The following FKBP5 variants were observed in gnomAD, a reference collection of about 807,000 sequenced individuals.
FKBP5 encodes peptidyl-prolyl cis-trans isomerase FKBP5.
In FKBP5, 23 loss-of-function variants were observed where a neutral mutation model predicts 50.5. The observed-to-expected ratio is 0.46, with a 90% CI of 0.33 to 0.65. FKBP5 has a LOEUF of 0.65. Among genes scored for constraint, FKBP5 ranks in the 30% least tolerant of loss-of-function variants. The pLI is 0.02. For missense variants in FKBP5, 411 were observed against 553.1 expected (o/e 0.74, Z 2.58); for synonymous variants, 176 against 190.6 (o/e 0.92, Z 0.63).
chr6:35,615,586 C>T (rs1763628160), intron 5 of FKBP5, among the ~76,000 whole-genome samples: 1 of 152,018 alleles, frequency 6.6e-6, no homozygotes, highest in African/African-American at 2.4e-5. Context: ...AATAAATATA[C>T]ACAGATCCAT....
chr6:35,655,056 TCA>T (rs1326364479), intron 1 of FKBP5, among the ~76,000 whole-genome samples: 1 of 151,964 alleles, frequency 6.6e-6, no homozygotes, highest in Non-Finnish European at 1.5e-5. Flanking sequence ...GCTCGGTGGC[TCA>T]CAACTGTAAT....
intron 8 of FKBP5, 183 bp downstream of exon 8, chr6:35,586,851 T>C: frequency 6.9e-7 from 1 of 1,447,310 alleles, no homozygotes; most frequent in Non-Finnish European, 9.1e-7. Flanking sequence ...TCTGTACTTT[T>C]TTTTTTTTCC....
intron 5 of FKBP5, among the ~76,000 whole-genome samples, chr6:35,599,941 A>G (rs1017266435): frequency 1.3e-5 from 2 of 152,212 alleles, no homozygotes; most frequent in African/African-American, 2.4e-5. Context: ...AGGTATTCTC[A>G]TCACTGTGGG....
chr6:35,682,009 G>T (rs1765676962), intron 1 of FKBP5, among the ~76,000 whole-genome samples: 1 of 152,116 alleles, frequency 6.6e-6, no homozygotes, highest in Non-Finnish European at 1.5e-5. Context: ...CTAAGTTTAT[G>T]TCTTAACCTA....
intron 5 of FKBP5, among the ~76,000 whole-genome samples, chr6:35,618,698 C>G (rs191487105): frequency 6.3e-4 from 95 of 151,222 alleles, no homozygotes; most frequent in African/African-American, 2.0e-3. Flanking sequence ...GAGATATATT[C>G]AATACTTTTT....
At chr6:35,606,473 C>T (rs192650789) in intron 5 of FKBP5, among the ~76,000 whole-genome samples, 1 of 151,672 alleles carries the variant, frequency 6.6e-6, no homozygotes, top group African/African-American at 2.4e-5. Context: ...CTGTCTAACA[C>T]GGTGAAACCC....
At chr6:35,722,938 C>G (rs1766638939) in intron 1 of FKBP5, among the ~76,000 whole-genome samples, 1 of 152,236 alleles carries the variant, frequency 6.6e-6, no homozygotes, top group South Asian at 2.1e-4. Context: ...GGTGCTTAAT[C>G]AATGCTCAGG....
chr6:35,605,304 C>A (rs1763273726), intron 5 of FKBP5, among the ~76,000 whole-genome samples: 1 of 150,408 alleles, frequency 6.6e-6, no homozygotes, highest in African/African-American at 2.4e-5. Context: ...TCCAACATCC[C>A]TTCATTATAA....
intron 2 of FKBP5, among the ~76,000 whole-genome samples, chr6:35,715,425 T>G (rs1477988610): frequency 6.6e-6 from 1 of 152,208 alleles, no homozygotes; most frequent in Admixed American, 6.5e-5. Context: ...TATATATGCT[T>G]GTTTATATAT....
chr6:35,722,758 T>C (rs1766634942), intron 1 of FKBP5, among the ~76,000 whole-genome samples: 1 of 152,226 alleles, frequency 6.6e-6, no homozygotes, highest in Admixed American at 6.5e-5. Flanking sequence ...CTGAACCTTC[T>C]GCTCTGGCCA....
chr6:35,626,968 C>T (rs1764019475), intron 3 of FKBP5, among the ~76,000 whole-genome samples: 1 of 152,208 alleles, frequency 6.6e-6, no homozygotes, highest in South Asian at 2.1e-4. Flanking sequence ...CAAGACCCTG[C>T]TTTCAATTCT....
intron 5 of FKBP5, among the ~76,000 whole-genome samples, chr6:35,599,663 G>C (rs755845305): frequency 6.6e-6 from 1 of 152,130 alleles, no homozygotes; most frequent in African/African-American, 2.4e-5. Flanking sequence ...CCTAACTCTT[G>C]AGTCAGCTCC....
chr6:35,713,300 T>G (rs1581901600), intron 2 of FKBP5, among the ~76,000 whole-genome samples: 1 of 151,984 alleles, frequency 6.6e-6, no homozygotes, highest in East Asian at 1.9e-4. Context: ...CAAGGCCAAA[T>G]CCTGTGGCCT....
At position 35,613,696 on chromosome 6, in the gene FKBP5, G is replaced by A. The variant is rs1181629610; in HGVS notation, c.508+5400C>T. Among the ~76,000 whole-genome samples the A allele has an allele frequency of 4.6e-5, 7 of 152,040 alleles. No homozygotes were observed. The East Asian group carries it at 1.3e-3, about 29-fold the overall frequency. On this transcript the variant is annotated intron_variant, in intron 5 of 10. Coordinates refer to ENST00000357266, the MANE Select transcript of FKBP5 (RefSeq NM_004117.4). Reference sequence around the variant, plus strand: ...CCAGATAGCTAACTTGTTTAAAGGAGGAAAAACCAGGACATTTTAACCTTG... The same window carrying A: ...CCAGATAGCTAACTTGTTTAAAGGAAGAAAAACCAGGACATTTTAACCTTG...
chr6:35,633,372 G>C (rs1474409106), intron 3 of FKBP5, among the ~76,000 whole-genome samples: 2 of 151,846 alleles, frequency 1.3e-5, no homozygotes, highest in African/African-American at 2.4e-5. Context: ...GTGAAACCCT[G>C]TCTCTACTAA....
intron 7 of FKBP5, among the ~76,000 whole-genome samples, chr6:35,587,639 C>A (rs1030171989): frequency 2.6e-4 from 39 of 152,174 alleles, no homozygotes; most frequent in African/African-American, 9.2e-4. Context: ...TAAATTGTAT[C>A]AACTTGCAGA....
Position 35,597,270 on chromosome 6 carries a change from AT to A in FKBP5, c.642del (p.Gln214HisfsTer75). 6.2e-7 allele frequency: 1 copy of A among 1,614,028 alleles called. No individual in the cohort carries two copies. The highest frequency in any genetic ancestry group is 8.5e-7 in the Non-Finnish European group (1 of 1,179,982). On this transcript the variant is annotated frameshift_variant, in exon 6 of 11. Transcript: ENST00000357266. LOFTEE classifies it high-confidence loss of function. The part of the protein sequence containing the change: ...KALEKMQREE[Q>X]CILYLGPRYG... ...TACCTTGGTCCAAGATATAAAATAC[AT>A]TGTTCTTCCCGCTGCATTTTCTCCA...
intron 10 of FKBP5, among the ~76,000 whole-genome samples, 184 bp from the exon 11 acceptor site, chr6:35,576,126 T>C (rs1762203932): frequency 1.3e-5 from 2 of 152,140 alleles, no homozygotes; most frequent in South Asian, 2.1e-4. Flanking sequence ...CTTTCTTTGG[T>C]TGACACATGG....
At chr6:35,705,318 G>T (rs1766288450) in intron 2 of FKBP5, among the ~76,000 whole-genome samples, 1 of 124,778 alleles carries the variant, frequency 8.0e-6, no homozygotes. Context: ...CCAGGCTGGA[G>T]TGCAATGGCG....
Sources: allele counts gnomAD v4.1 joint callset (sites outside exome capture counted in the v4.1 genomes callset), GRCh38; gene constraint gnomAD v4.1.1; transcripts MANE v1.5; gene names NCBI Gene and HGNC (gene_info 2026-07-23, HGNC 2026-07-21).